Variants in SHOC2 observed in about 807,000 individuals in gnomAD.
SHOC2 encodes the protein SHOC2 leucine rich repeat scaffold protein.
Under a neutral mutation model 50.2 loss-of-function variants are expected in SHOC2, and 4 were observed. The observed-to-expected ratio is 0.08, with a 90% CI of 0.04 to 0.18. SHOC2 has a LOEUF of 0.18. SHOC2 is among the 10% of genes least tolerant of loss of function. The probability of loss-of-function intolerance (pLI) is 1.00; values close to 1 mark genes in which losing one functional copy is unlikely to be tolerated. For missense variants in SHOC2, 388 were observed against 669.6 expected (o/e 0.58, Z 4.64); for synonymous variants, 218 against 244.5 (o/e 0.89, Z 1.01).
At chr10:111,001,822 G>C (rs1264701268) in intron 4 of SHOC2, among the ~76,000 whole-genome samples, 1 of 152,080 alleles carries the variant, frequency 6.6e-6, no homozygotes, top group African/African-American at 2.4e-5. Flanking sequence ...CGGATCACTT[G>C]AGGTTAGGAG....
At chr10:110,950,981 TGATTTTTTGGATATGACCCCAAAA>T (rs1847340275) in intron 1 of SHOC2, among the ~76,000 whole-genome samples, 1 of 152,152 alleles carries the variant, frequency 6.6e-6, no homozygotes, top group African/African-American at 2.4e-5. Context: ...GTTGGGGCAA[TGATTTTTTGGATATGACCCCAAAA>T]GCATAAGGAA....
chr10:110,961,454 A>T (rs370756688), intron 1 of SHOC2, among the ~76,000 whole-genome samples: 4 of 152,360 alleles, frequency 2.6e-5, no homozygotes, highest in South Asian at 2.1e-4. Flanking sequence ...CTTGGCCAAA[A>T]ATATTTTTAC....
At chr10:111,004,212 G>A (rs1397494104) in intron 4 of SHOC2, among the ~76,000 whole-genome samples, 1 of 152,260 alleles carries the variant, frequency 6.6e-6, no homozygotes, top group East Asian at 1.9e-4. Flanking sequence ...CAGAGACAGG[G>A]CTCAGACCTG....
intron 1 of SHOC2, chr10:110,936,499 CT>C: frequency 1.7e-6 from 1 of 580,790 alleles, no homozygotes; most frequent in East Asian, 2.9e-5. Flanking sequence ...CTTTTTAAAT[CT>C]TTGAGAAACA....
chr10:110,988,874 T>C, intron 3 of SHOC2: 1 of 460,888 alleles, frequency 2.2e-6, no homozygotes. Flanking sequence ...TGTATTTTCC[T>C]TTTAAAAGTT....
At chr10:110,950,491 A>G (rs1356782745) in intron 1 of SHOC2, among the ~76,000 whole-genome samples, 3 of 152,340 alleles carry the variant, frequency 2.0e-5, no homozygotes, top group Admixed American at 6.5e-5. Context: ...CAAAATTCCA[A>G]TGATATTTTA....
chr10:110,969,019 A>G (rs1293004316), intron 2 of SHOC2, among the ~76,000 whole-genome samples: 3 of 152,172 alleles, frequency 2.0e-5, no homozygotes, highest in Non-Finnish European at 4.4e-5. Flanking sequence ...CACATGGGTA[A>G]AGATTGGCAG....
At chr10:110,961,247 AATATAGCCT>A (rs1255650768) in intron 1 of SHOC2, among the ~76,000 whole-genome samples, 1 of 152,172 alleles carries the variant, frequency 6.6e-6, no homozygotes, top group Non-Finnish European at 1.5e-5. Context: ...ATTTTATGCA[AATATAGCCT>A]TCCCCCAAAA....
In SHOC2 at chr10:110,919,659, T is replaced by C; in HGVS notation, c.-235+2T>C. 1 of 398,410 alleles carries C rather than the reference T, an allele frequency of 2.5e-6. No homozygotes were observed. Among genetic ancestry groups the C allele is most frequent in the Non-Finnish European group, 4.4e-6 (1 of 226,190 alleles). 24.7% of individuals were successfully genotyped at this position (398,410 alleles called of 1,614,324 possible). A position where few individuals can be genotyped will look rare whatever the true frequency, so the allele number is the denominator to read the frequency against. On this transcript the variant is annotated splice_donor_variant, in intron 1 of 8. Transcript: ENST00000369452. LOFTEE classifies it low-confidence loss of function (5UTR_SPLICE). Reference sequence around the variant, plus strand: ...ATGGCGGAGTCGGGGCTCCTGACGGTAACTCGGGGCCGATGAGGCGGAGGG... The same window carrying C: ...ATGGCGGAGTCGGGGCTCCTGACGGCAACTCGGGGCCGATGAGGCGGAGGG...
intron 2 of SHOC2, among the ~76,000 whole-genome samples, chr10:110,981,862 A>ATTTT (rs1288360342): frequency 1.7e-3 from 3 of 1,732 alleles, no homozygotes; most frequent in African/African-American, 2.7e-3. Context: ...TTATTTATTT[A>ATTTT]TTTATTTATT....
intron 3 of SHOC2, among the ~76,000 whole-genome samples, chr10:110,993,909 T>C (rs913801209): frequency 1.3e-5 from 2 of 152,178 alleles, no homozygotes; most frequent in African/African-American, 4.8e-5. Flanking sequence ...CATGATACTG[T>C]AAAGGGTTAT....
At chr10:110,963,816 G>GTACATAGAAAGCA (rs1174074167) in intron 1 of SHOC2, among the ~76,000 whole-genome samples, 2 of 152,150 alleles carry the variant, frequency 1.3e-5, no homozygotes, top group Non-Finnish European at 2.9e-5. Flanking sequence ...AATAATGCTA[G>GTACATAGAAAGCA]TACATAGAAA....
intron 1 of SHOC2, among the ~76,000 whole-genome samples, chr10:110,927,724 C>G (rs941146336): frequency 2.0e-5 from 3 of 152,070 alleles, no homozygotes; most frequent in African/African-American, 4.8e-5. Context: ...ATATTGAAAC[C>G]GCAAAATGAT....
At chr10:111,002,964 C>T (rs1005234820) in intron 4 of SHOC2, among the ~76,000 whole-genome samples, 1 of 152,206 alleles carries the variant, frequency 6.6e-6, no homozygotes. Flanking sequence ...CCATGAGGCT[C>T]AGTAAAACTC....
intron 1 of SHOC2, among the ~76,000 whole-genome samples, chr10:110,963,791 A>C (rs1423992242): frequency 6.6e-6 from 1 of 152,230 alleles, no homozygotes; most frequent in Non-Finnish European, 1.5e-5. Flanking sequence ...ATATTAATAC[A>C]TGTGAATTCC....
chr10:110,935,083 G>A (rs958066401), intron 1 of SHOC2, among the ~76,000 whole-genome samples: 2 of 152,092 alleles, frequency 1.3e-5, no homozygotes, highest in Non-Finnish European at 2.9e-5. Flanking sequence ...GTAAATGATA[G>A]CATACTATGC....
chr10:111,002,599 C>A (rs900938618), intron 4 of SHOC2, among the ~76,000 whole-genome samples: 2 of 152,062 alleles, frequency 1.3e-5, no homozygotes, highest in Admixed American at 6.5e-5. Flanking sequence ...ATTGGAGTAT[C>A]CTCATCAAAC....
chr10:110,946,305 T>G (rs1054620608), intron 1 of SHOC2, among the ~76,000 whole-genome samples: 3 of 150,896 alleles, frequency 2.0e-5, no homozygotes, highest in African/African-American at 7.3e-5. Context: ...TCTAAAAAAT[T>G]ATGTCTAGAT....
intron 1 of SHOC2, among the ~76,000 whole-genome samples, chr10:110,940,912 T>G (rs1456778829): frequency 2.3e-3 from 1 of 426 alleles, no homozygotes; most frequent in African/African-American, 5.4e-3. Flanking sequence ...TGTGGTGGGT[T>G]TTTTTTTTTT....
Sources: gnomAD v4.1 joint callset for allele counts (sites outside exome capture counted in the v4.1 genomes callset) on GRCh38, gnomAD v4.1.1 for gene constraint, MANE v1.5 for transcripts, NCBI Gene and HGNC (gene_info 2026-07-23, HGNC 2026-07-21) for gene names.